Variants in TGFA observed in about 807,000 individuals in gnomAD.
TGFA encodes transforming growth factor alpha.
In TGFA, 12 loss-of-function variants were observed where a neutral mutation model predicts 21.7. That is an observed-to-expected ratio of 0.55 (90% confidence interval 0.35 to 0.90). TGFA has a LOEUF of 0.90. Among genes scored for constraint, TGFA ranks in the 40% least tolerant of loss-of-function variants. TGFA has a pLI of 0.01. For synonymous variants in TGFA, 79 were observed against 88.1 expected, an observed-to-expected ratio of 0.90 and a Z score of 0.58; for missense variants, 178 against 210.8, an observed-to-expected ratio of 0.84 and a Z score of 0.96.
chr2:70,540,772 TCA>T (rs1322385340), intron 1 of TGFA, among the ~76,000 whole-genome samples: 16 of 152,196 alleles, frequency 1.1e-4, no homozygotes, highest in African/African-American at 3.9e-4. Context: ...CAAAATATTT[TCA>T]GTGTGTATTT....
rs13415426 is a variant in TGFA, at chr2:70,523,642, C to G, written c.41-8730G>C. 8.7e-3 allele frequency among the ~76,000 whole-genome samples: 1,332 copies of G among 152,314 alleles called. 16 individuals carry two copies. The highest frequency in any genetic ancestry group is 0.03 in the African/African-American group (1,255 of 41,568). On this transcript the variant is annotated intron_variant, in intron 1 of 5. Coordinates refer to ENST00000295400, the MANE Select transcript of TGFA (RefSeq NM_003236.4). ...CAGGCAGAGCTCCCTGCCTGCACCT[C>G]CTAATACCCACCAGCACTGGGCTGG...
intron 2 of TGFA, among the ~76,000 whole-genome samples, chr2:70,479,528 C>A (rs1671047591): frequency 6.6e-6 from 1 of 152,164 alleles, no homozygotes; most frequent in African/African-American, 2.4e-5. Flanking sequence ...AAGGACAAGT[C>A]TTTTTCAGCT....
intron 2 of TGFA, among the ~76,000 whole-genome samples, chr2:70,472,505 C>G (rs1271080926): frequency 6.6e-6 from 1 of 152,190 alleles, no homozygotes; most frequent in Non-Finnish European, 1.5e-5. Context: ...GGGCCTGGAG[C>G]CCAACCCTAC....
chr2:70,552,650 G>A lies in TGFA; in HGVS notation c.40+1078C>T, dbSNP rs11466193. Among the ~76,000 whole-genome samples, 338 of 152,308 alleles carry A rather than the reference G, an allele frequency of 2.2e-3. 1 individual carries two copies. The highest frequency in any genetic ancestry group is 7.4e-3 in the African/African-American group (308 of 41,570). On this transcript the variant is annotated intron_variant, in intron 1 of 5. Transcript: ENST00000295400. ...TAATCAGCGTTTCTAGGGCAGGCTT[G>A]CAGGCGGGGCCGCGAACCCCCTGTA...
At chr2:70,536,766 G>A (rs1450288475) in intron 1 of TGFA, among the ~76,000 whole-genome samples, 2 of 152,164 alleles carry the variant, frequency 1.3e-5, no homozygotes, top group Admixed American at 6.5e-5. Context: ...AAATCAATAC[G>A]CTAAGCTTCC....
intron 1 of TGFA, among the ~76,000 whole-genome samples, chr2:70,528,982 T>C (rs1553503298): frequency 6.6e-6 from 1 of 152,192 alleles, no homozygotes; most frequent in African/African-American, 2.4e-5. Context: ...GGCTTTTAAT[T>C]GTCCAGCATC....
At chr2:70,498,573 G>A (rs1671643920) in intron 2 of TGFA, among the ~76,000 whole-genome samples, 1 of 152,162 alleles carries the variant, frequency 6.6e-6, no homozygotes, top group East Asian at 1.9e-4. Context: ...TGGAGGGGAG[G>A]GGAGGTAGAA....
intron 2 of TGFA, among the ~76,000 whole-genome samples, chr2:70,495,459 A>G (rs1212674798): frequency 1.3e-5 from 2 of 152,248 alleles, no homozygotes; most frequent in Non-Finnish European, 2.9e-5. Context: ...TGGAAAGAGT[A>G]ACTAGAACTG....
chr2:70,484,942 T>C (rs1553496359), intron 2 of TGFA, among the ~76,000 whole-genome samples: 1 of 152,244 alleles, frequency 6.6e-6, no homozygotes, highest in Non-Finnish European at 1.5e-5. Flanking sequence ...CTTATAATGC[T>C]ATTCCTTGTC....
chr2:70,466,207 T>C (rs1352911096), intron 2 of TGFA, among the ~76,000 whole-genome samples: 1 of 152,174 alleles, frequency 6.6e-6, no homozygotes, highest in Non-Finnish European at 1.5e-5. Context: ...GTAAGTTAAG[T>C]AAATGGGTTT....
intron 2 of TGFA, among the ~76,000 whole-genome samples, chr2:70,489,386 C>T (rs529494458): frequency 2.0e-5 from 3 of 152,222 alleles, no homozygotes; most frequent in Non-Finnish European, 4.4e-5. Flanking sequence ...CAACACCAGA[C>T]GAAGCACAAG....
chr2:70,453,340 A>G lies in TGFA; in HGVS notation c.366-13T>C. ...GACCTGGCAGCAGCTGCAAAGACACAGAGGACCCAGTCTGGGCAGGAGCCT... is the reference window on the plus strand; with the variant it reads ...GACCTGGCAGCAGCTGCAAAGACACGGAGGACCCAGTCTGGGCAGGAGCCT... On this transcript the variant is annotated splice_polypyrimidine_tract_variant and intron_variant, in intron 4 of 5. Coordinates refer to ENST00000295400, the MANE Select transcript of TGFA (RefSeq NM_003236.4). 1 of 1,611,742 alleles carries G rather than the reference A, an allele frequency of 6.2e-7. No homozygotes were observed. Among genetic ancestry groups the G allele is most frequent in the Non-Finnish European group, 8.5e-7 (1 of 1,178,756 alleles).
chr2:70,498,110 C>T (rs943828649), intron 2 of TGFA, among the ~76,000 whole-genome samples: 1 of 151,692 alleles, frequency 6.6e-6, no homozygotes, highest in African/African-American at 2.4e-5. Context: ...GGTGAGATCT[C>T]AGAATCCACA....
At position 70,499,072 on chromosome 2, in the gene TGFA, C is replaced by G. The variant is rs115541422; in HGVS notation, c.94+15787G>C. ...GCCATAGTTGAGAACTCTAGTTCTA[C>G]TCAATGGTCCTCAAACTTACAGTGA... is the stretch of plus-strand genomic sequence containing the variant. On this transcript the variant is annotated intron_variant, in intron 2 of 5. Transcript: ENST00000295400. 3.8e-3 allele frequency among the ~76,000 whole-genome samples: 575 copies of G among 152,266 alleles called. 5 individuals are homozygous for G. Among genetic ancestry groups the G allele is most frequent in the African/African-American group, 0.013 (561 of 41,556 alleles).
chr2:70,531,287 A>G (rs781957334), intron 1 of TGFA, among the ~76,000 whole-genome samples: 3 of 152,136 alleles, frequency 2.0e-5, no homozygotes, highest in Non-Finnish European at 4.4e-5. Flanking sequence ...GTGTGTCCTG[A>G]AGGGTTTCAA....
At chr2:70,482,820 C>T (rs1671163961) in intron 2 of TGFA, among the ~76,000 whole-genome samples, 1 of 152,008 alleles carries the variant, frequency 6.6e-6, no homozygotes, top group Non-Finnish European at 1.5e-5. Flanking sequence ...TATATGTCTT[C>T]CTTTGATTTG....
At chr2:70,471,637 G>A (rs1284484722) in intron 2 of TGFA, among the ~76,000 whole-genome samples, 1 of 152,216 alleles carries the variant, frequency 6.6e-6, no homozygotes, top group African/African-American at 2.4e-5. Flanking sequence ...CCTATGAGAG[G>A]CACTTTGGTG....
intron 1 of TGFA, among the ~76,000 whole-genome samples, chr2:70,519,852 A>G (rs1285608798): frequency 1.3e-5 from 2 of 152,190 alleles, no homozygotes; most frequent in East Asian, 1.9e-4. Context: ...CTGCACCACA[A>G]CCCCCTACCA....
In TGFA at chr2:70,453,869, C is replaced by T. The variant is rs1039156397; in HGVS notation, c.366-542G>A. ...TCTCAATGGCTTTGAATCCTGCTTTCAGGACTAAAATTCTCTAGTTTTGGA... is the reference window on the plus strand; with the variant it reads ...TCTCAATGGCTTTGAATCCTGCTTTTAGGACTAAAATTCTCTAGTTTTGGA... On this transcript the variant is annotated intron_variant, in intron 4 of 5. Transcript: ENST00000295400. 3.9e-5 allele frequency among the ~76,000 whole-genome samples: 6 copies of T among 152,250 alleles called. No individual in the cohort carries two copies. In the East Asian group the frequency reaches 1.2e-3, roughly 29 times the overall value.
Sources: gnomAD v4.1 joint callset for allele counts (sites outside exome capture counted in the v4.1 genomes callset) on GRCh38, gnomAD v4.1.1 for gene constraint, MANE v1.5 for transcripts, NCBI Gene and HGNC (gene_info 2026-07-23, HGNC 2026-07-21) for gene names.